CA10: variants seen among roughly 807,000 people sequenced by gnomAD.
The protein encoded by CA10 is carbonic anhydrase-related protein 10.
CA10 carries 14 observed loss-of-function variants against 44.2 expected under a neutral mutation model. The observed-to-expected ratio is 0.32, with a 90% CI of 0.21 to 0.50. The LOEUF (loss-of-function observed/expected upper bound fraction) is 0.50, where lower values mean the gene tolerates loss of function less well. CA10 is among the 20% of genes least tolerant of loss of function. The pLI is 0.99. For missense variants in CA10, 350 were observed against 409.7 expected (o/e 0.85, Z 1.26); for synonymous variants, 159 against 141.6 (o/e 1.12, Z -0.87).
chr17:51,842,564 T>G (rs1222567054), intron 3 of CA10, among the ~76,000 whole-genome samples: 1 of 152,176 alleles, frequency 6.6e-6, no homozygotes, highest in African/African-American at 2.4e-5. Flanking sequence ...ATGCGCAGTT[T>G]TGAAAAGTCA....
At chr17:51,884,627 T>C (rs1037220650) in intron 3 of CA10, among the ~76,000 whole-genome samples, 2 of 152,216 alleles carry the variant, frequency 1.3e-5, no homozygotes, top group African/African-American at 4.8e-5. Context: ...TTCTTCTTCA[T>C]AGCACTTAGT....
chr17:51,748,469 C>A lies in CA10; in HGVS notation c.280-651G>T, dbSNP rs9899188. On this transcript the variant is annotated intron_variant, in intron 3 of 8. Transcript: ENST00000451037. ...ATCTTGCTCCAGCCCCTTCAAACTG[C>A]TAACATGACTGCTTGGCATTCCTTT... is the stretch of plus-strand genomic sequence containing the variant. 3,675 of 985,464 alleles carry A rather than the reference C, an allele frequency of 3.7e-3. 98 individuals are homozygous for A. In the African/African-American group the frequency reaches 0.058, roughly 15 times the overall value. The allele number at this position is 985,464 out of a possible 1,614,324, so 61.0% of individuals were successfully genotyped here. A position where few individuals can be genotyped will look rare whatever the true frequency, so the allele number is the denominator to read the frequency against.
chr17:52,048,467 T>C (rs1487599575), intron 2 of CA10, among the ~76,000 whole-genome samples: 1 of 152,056 alleles, frequency 6.6e-6, no homozygotes, highest in Non-Finnish European at 1.5e-5. Flanking sequence ...CTTGACAGTC[T>C]GTACACACAA....
intron 2 of CA10, among the ~76,000 whole-genome samples, chr17:52,020,250 C>T (rs909141051): frequency 6.6e-6 from 1 of 151,878 alleles, no homozygotes; most frequent in African/African-American, 2.4e-5. Context: ...ATTTCCTGAA[C>T]AATGCAAGCT....
chr17:52,011,382 T>C (rs1985791496), intron 2 of CA10, among the ~76,000 whole-genome samples: 1 of 152,034 alleles, frequency 6.6e-6, no homozygotes. Context: ...CAGTATGCTC[T>C]GGTGCAAATA....
intron 3 of CA10, among the ~76,000 whole-genome samples, chr17:51,864,184 T>A (rs1354355515): frequency 1.3e-5 from 2 of 152,154 alleles, no homozygotes; most frequent in Non-Finnish European, 2.9e-5. Flanking sequence ...AACAGAGACA[T>A]TCCTATCACT....
intron 3 of CA10, among the ~76,000 whole-genome samples, chr17:51,892,798 C>T (rs1379798591): frequency 1.3e-5 from 2 of 152,104 alleles, no homozygotes; most frequent in African/African-American, 2.4e-5. Flanking sequence ...GGCATGATGG[C>T]TGGAGTTGAT....
intron 2 of CA10, among the ~76,000 whole-genome samples, chr17:52,028,383 A>G (rs1347220657): frequency 6.6e-6 from 1 of 152,246 alleles, no homozygotes; most frequent in Non-Finnish European, 1.5e-5. Flanking sequence ...ACATATAGCT[A>G]TCTTTCACAA....
At chr17:51,985,568 C>T (rs372250272) in intron 2 of CA10, among the ~76,000 whole-genome samples, 13 of 151,978 alleles carry the variant, frequency 8.6e-5, no homozygotes, top group African/African-American at 2.7e-4. Flanking sequence ...GGAAGTCAAA[C>T]TGTCACTGTT....
chr17:51,635,264 G>A (rs1399828464), intron 7 of CA10, among the ~76,000 whole-genome samples: 1 of 152,120 alleles, frequency 6.6e-6, no homozygotes, highest in Non-Finnish European at 1.5e-5. Flanking sequence ...TGTAATCCCA[G>A]CACTTTGGGA....
intron 3 of CA10, among the ~76,000 whole-genome samples, chr17:51,831,331 G>A (rs556418089): frequency 7.2e-5 from 11 of 152,314 alleles, no homozygotes; most frequent in African/African-American, 2.6e-4. Flanking sequence ...TAGCCACAGT[G>A]GAAGCTGTTT....
At chr17:52,146,657 C>T (rs183843812) in intron 1 of CA10, among the ~76,000 whole-genome samples, 1,861 of 151,188 alleles carry the variant, frequency 0.012, 36 homozygotes, top group African/African-American at 0.044. Context: ...ACCGACAGAG[C>T]GAGACTCCGT....
intron 4 of CA10, among the ~76,000 whole-genome samples, chr17:51,676,042 G>C (rs116142332): frequency 6.6e-6 from 1 of 152,172 alleles, no homozygotes; most frequent in African/African-American, 2.4e-5. Context: ...TGGGAGTCTT[G>C]GCACAAATAA....
chr17:51,652,481 G>T (rs1378348889), intron 5 of CA10, among the ~76,000 whole-genome samples: 1 of 152,186 alleles, frequency 6.6e-6, no homozygotes, highest in Non-Finnish European at 1.5e-5. Flanking sequence ...TCCTCTCTTT[G>T]TTAATGACAA....
rs142871776 is a variant in CA10, at chr17:52,032,217, C to A, written c.136+40102G>T. On this transcript the variant is annotated intron_variant, in intron 2 of 8. Transcript: ENST00000451037. ...ATTAAACCTAATATAGTGGGATGAACCATAATACCTTACAGGAGCAGATGA... is the reference window on the plus strand; with the variant it reads ...ATTAAACCTAATATAGTGGGATGAAACATAATACCTTACAGGAGCAGATGA... 5.7e-3 allele frequency among the ~76,000 whole-genome samples: 871 copies of A among 152,150 alleles called. 7 individuals are homozygous for A. Among genetic ancestry groups the A allele is most frequent in the African/African-American group, 0.02 (830 of 41,502 alleles).
intron 2 of CA10, among the ~76,000 whole-genome samples, chr17:51,959,557 C>T (rs983260396): frequency 6.6e-6 from 1 of 151,878 alleles, no homozygotes; most frequent in East Asian, 1.9e-4. Context: ...AGGCTCACCA[C>T]TAATTGGCGC....
intron 4 of CA10, among the ~76,000 whole-genome samples, chr17:51,735,763 T>C (rs942420300): frequency 2.0e-5 from 3 of 152,094 alleles, no homozygotes; most frequent in African/African-American, 7.2e-5. Flanking sequence ...TATATACCTG[T>C]TAAACTTCAG....
chr17:51,723,927 ATTGCCCTGGGC>A (rs2143538844), intron 4 of CA10, among the ~76,000 whole-genome samples: 1 of 152,306 alleles, frequency 6.6e-6, no homozygotes, highest in Admixed American at 6.5e-5. Context: ...GGTACCTGGC[ATTGCCCTGGGC>A]ACCTGCGAGA....
intron 3 of CA10, among the ~76,000 whole-genome samples, chr17:51,844,834 C>CAAATTTGATGT (rs1978419379): frequency 6.6e-6 from 1 of 152,078 alleles, no homozygotes; most frequent in South Asian, 2.1e-4. Flanking sequence ...CATAGAAACA[C>CAAATTTGATGT]CCACACCCAC....
Sources: allele counts gnomAD v4.1 joint callset (sites outside exome capture counted in the v4.1 genomes callset), GRCh38; gene constraint gnomAD v4.1.1; transcripts MANE v1.5; gene names NCBI Gene and HGNC (gene_info 2026-07-23, HGNC 2026-07-21).